The following CREB3L2 variants were observed in gnomAD, a reference collection of about 807,000 sequenced individuals.
CREB3L2 encodes cAMP responsive element binding protein 3 like 2.
CREB3L2 carries 23 observed loss-of-function variants against 57.2 expected under a neutral mutation model. The ratio of observed to expected loss-of-function variants is 0.40; its 90% confidence interval spans 0.29 to 0.57. The LOEUF is 0.57. CREB3L2 is among the 20% of genes least tolerant of loss of function. The probability of loss-of-function intolerance (pLI) is 0.42; values close to 1 mark genes in which losing one functional copy is unlikely to be tolerated. For synonymous variants in CREB3L2, 268 were observed against 265.1 expected, an observed-to-expected ratio of 1.01 and a Z score of -0.11; for missense variants, 628 against 634.7, an observed-to-expected ratio of 0.99 and a Z score of 0.11.
intron 1 of CREB3L2, among the ~76,000 whole-genome samples, chr7:137,977,982 TAGA>T (rs779162074): frequency 7.3e-5 from 11 of 150,404 alleles, no homozygotes; most frequent in Non-Finnish European, 1.3e-4. Flanking sequence ...GGGAGGAAGG[TAGA>T]AGCAGTTTCC....
At chr7:137,986,330 C>G (rs1801791878) in intron 1 of CREB3L2, among the ~76,000 whole-genome samples, 1 of 152,222 alleles carries the variant, frequency 6.6e-6, no homozygotes, top group African/African-American at 2.4e-5. Flanking sequence ...CAGACAAGCA[C>G]ACTTATCAGG....
chr7:137,962,754 T>C (rs1801347733), intron 1 of CREB3L2, among the ~76,000 whole-genome samples: 1 of 152,038 alleles, frequency 6.6e-6, no homozygotes, highest in Non-Finnish European at 1.5e-5. Flanking sequence ...TACACATGAG[T>C]TCCATGGGGG....
At chr7:137,908,519 T>G in intron 4 of CREB3L2, 83 bp from the exon 5 acceptor site, 1 of 1,028,048 alleles carries the variant, frequency 9.7e-7, no homozygotes, top group Non-Finnish European at 1.3e-6. Context: ...AACTAAAGTG[T>G]GAGGGGCCTC....
At chr7:137,927,278 G>GAAAGGAAAGGAAAGGAGGA (rs35701640) in intron 2 of CREB3L2, among the ~76,000 whole-genome samples, 2 of 136,632 alleles carry the variant, frequency 1.5e-5, no homozygotes, top group African/African-American at 6.2e-5. Context: ...GAAAGGAAAG[G>GAAAGGAAAGGAAAGGAGGA]AGGAAGGAAG....
intron 1 of CREB3L2, among the ~76,000 whole-genome samples, chr7:137,947,191 C>G (rs1801013894): frequency 6.6e-6 from 1 of 151,000 alleles, no homozygotes; most frequent in African/African-American, 2.5e-5. Context: ...CACCAGAAAC[C>G]AACCATGCTG....
chr7:137,958,690 T>C (rs1466673884), intron 1 of CREB3L2, among the ~76,000 whole-genome samples: 5 of 152,236 alleles, frequency 3.3e-5, no homozygotes, highest in Non-Finnish European at 7.3e-5. Context: ...GGGCAGGCCC[T>C]TTCTCCCATG....
chr7:137,951,226 G>C (rs1401867268), intron 1 of CREB3L2, among the ~76,000 whole-genome samples: 1 of 152,136 alleles, frequency 6.6e-6, no homozygotes, highest in Non-Finnish European at 1.5e-5. Flanking sequence ...GCACAGTGCT[G>C]AAGTGCTATC....
rs1448489855 is a variant in CREB3L2 at position 137,877,894 on chromosome 7, T to C, written c.*2582A>G. Reference sequence around the variant, plus strand: ...AACCAATCTGGTGCTATACAACTCTTCTGTGTCCTCTTGACCCCATTTTGT... The same window carrying C: ...AACCAATCTGGTGCTATACAACTCTCCTGTGTCCTCTTGACCCCATTTTGT... On this transcript the variant is annotated 3_prime_UTR_variant, in exon 12 of 12. Coordinates refer to ENST00000330387, the MANE Select transcript of CREB3L2 (RefSeq NM_194071.4). 8.8e-6 allele frequency: 2 copies of C among 228,278 alleles called. No individual in the cohort carries two copies. Among genetic ancestry groups the C allele is most frequent in the Admixed American group, 5.7e-5 (1 of 17,620 alleles). The allele number at this position is 228,278 out of a possible 1,614,324, so 14.1% of individuals were successfully genotyped here.
intron 8 of CREB3L2, among the ~76,000 whole-genome samples, chr7:137,893,772 T>G (rs1322595093): frequency 6.6e-6 from 1 of 152,200 alleles, no homozygotes; most frequent in African/African-American, 2.4e-5. Flanking sequence ...GGAATTTTAT[T>G]TCTGATAACA....
intron 1 of CREB3L2, among the ~76,000 whole-genome samples, chr7:137,966,633 T>C (rs61023124): frequency 0.11 from 16,963 of 152,222 alleles, 1,912 homozygotes; most frequent in African/African-American, 0.29. Flanking sequence ...CTCATGTTCA[T>C]GCCTCTCAAA....
At chr7:137,923,220 T>C (rs1375528036) in intron 2 of CREB3L2, among the ~76,000 whole-genome samples, 1 of 152,218 alleles carries the variant, frequency 6.6e-6, no homozygotes, top group East Asian at 1.9e-4. Context: ...ATTGCTTTCT[T>C]ATACTAATCT....
chr7:137,949,186 A>T (rs933960224), intron 1 of CREB3L2, among the ~76,000 whole-genome samples: 5 of 152,366 alleles, frequency 3.3e-5, no homozygotes, highest in African/African-American at 1.2e-4. Context: ...GGAAATAGCC[A>T]CTTGGACCTG....
intron 1 of CREB3L2, among the ~76,000 whole-genome samples, chr7:137,975,740 A>C (rs1801595963): frequency 6.6e-6 from 1 of 152,250 alleles, no homozygotes; most frequent in African/African-American, 2.4e-5. Context: ...ATTAAAAAAG[A>C]AGTAAATAAA....
At chr7:137,909,647 T>C (rs1049467345) in intron 4 of CREB3L2, among the ~76,000 whole-genome samples, 1 of 152,132 alleles carries the variant, frequency 6.6e-6, no homozygotes, top group Admixed American at 6.5e-5. Flanking sequence ...CCTCAGCACA[T>C]CACCTCCTTG....
intron 1 of CREB3L2, chr7:137,957,619 T>C (rs944646239): frequency 6.7e-6 from 3 of 450,834 alleles, no homozygotes; most frequent in South Asian, 6.1e-5. Context: ...AGTAAAGAAC[T>C]CTTAAACTTG....
At chr7:137,937,056 G>C (rs983508942) in intron 1 of CREB3L2, among the ~76,000 whole-genome samples, 8 of 152,138 alleles carry the variant, frequency 5.3e-5, no homozygotes, top group African/African-American at 1.9e-4. Flanking sequence ...GGCTCCTTCT[G>C]AGCTCCCCAA....
intron 1 of CREB3L2, among the ~76,000 whole-genome samples, chr7:137,995,333 C>CTTTTTTTTTTTTTTTTTTTTTTTTTTTTT (rs10676214): frequency 2.3e-5 from 2 of 87,428 alleles, no homozygotes; most frequent in African/African-American, 4.7e-5. Flanking sequence ...TCTTTTCTTT[C>CTTTTTTTTTTTTTTTTTTTTTTTTTTTTT]TTTTTTTTTT....
At chr7:137,900,091 G>A (rs910200836) in intron 8 of CREB3L2, among the ~76,000 whole-genome samples, 1 of 152,118 alleles carries the variant, frequency 6.6e-6, no homozygotes, top group African/African-American at 2.4e-5. Flanking sequence ...TATCATGTGT[G>A]CACATGAACA....
At chr7:137,983,068 T>C (rs1251054872) in intron 1 of CREB3L2, among the ~76,000 whole-genome samples, 1 of 152,186 alleles carries the variant, frequency 6.6e-6, no homozygotes, top group East Asian at 1.9e-4. Context: ...CACCCATCTG[T>C]AGCATTTTAT....
Sources: gnomAD v4.1 joint callset for allele counts (sites outside exome capture counted in the v4.1 genomes callset) on GRCh38, gnomAD v4.1.1 for gene constraint, MANE v1.5 for transcripts, NCBI Gene and HGNC (gene_info 2026-07-23, HGNC 2026-07-21) for gene names.